The following NCAM1 variants were observed in gnomAD, a reference collection of about 807,000 sequenced individuals.
NCAM1 encodes the protein antigen recognized by monoclonal antibody 5.1H11.
Under a neutral mutation model 109.8 loss-of-function variants are expected in NCAM1, and 14 were observed. The observed-to-expected ratio is 0.13, with a 90% confidence interval of 0.08 to 0.20. The LOEUF (loss-of-function observed/expected upper bound fraction) is 0.20, where lower values mean the gene tolerates loss of function less well. Ranked by LOEUF, NCAM1 falls within the 10% of genes least tolerant of loss-of-function variation. NCAM1 has a pLI of 1.00. For synonymous variants in NCAM1, 418 were observed against 442.9 expected (o/e 0.94, Z 0.70); for missense variants, 774 against 1,109.9 (o/e 0.70, Z 4.30).
At chr11:113,067,100 T>C (rs1938001844) in intron 1 of NCAM1, among the ~76,000 whole-genome samples, 1 of 152,098 alleles carries the variant, frequency 6.6e-6, no homozygotes, top group South Asian at 2.1e-4. Flanking sequence ...TTACATCTGA[T>C]TGCTGGTTTC....
intron 1 of NCAM1, among the ~76,000 whole-genome samples, chr11:113,046,589 G>A (rs1953274720): frequency 6.6e-6 from 1 of 152,156 alleles, no homozygotes. Flanking sequence ...TAAATGTTTT[G>A]ATGTTAGCAA....
chr11:113,030,299 C>G (rs1555078126), intron 1 of NCAM1, among the ~76,000 whole-genome samples: 3 of 152,166 alleles, frequency 2.0e-5, no homozygotes. Flanking sequence ...AGGTATTTGA[C>G]TTAGTTCCTC....
chr11:113,112,513 A>T (rs1441997221), intron 1 of NCAM1, among the ~76,000 whole-genome samples: 2 of 152,218 alleles, frequency 1.3e-5, no homozygotes, highest in Admixed American at 6.5e-5. Context: ...TACCATTGTC[A>T]TGAAGTCACC....
chr11:113,027,624 G>A (rs1383152119), intron 1 of NCAM1, among the ~76,000 whole-genome samples: 5 of 152,104 alleles, frequency 3.3e-5, no homozygotes, highest in Admixed American at 1.3e-4. Context: ...GCTTCTTTCG[G>A]CATTTAATAA....
Position 113,207,823 on chromosome 11 carries a change from C to T in NCAM1, c.747-10C>T. 1 of 1,604,622 alleles carries T rather than the reference C, an allele frequency of 6.2e-7. No homozygotes were observed. The highest frequency in any genetic ancestry group is 8.5e-7 in the Non-Finnish European group (1 of 1,174,578). On this transcript the variant is annotated splice_polypyrimidine_tract_variant and intron_variant, in intron 6 of 19. Transcript: ENST00000316851. ...GAAATCATGCTACTTTGCATTTCTA[C>T]ATGCTCTAGGGATGGGGAACAGATA...
intron 1 of NCAM1, among the ~76,000 whole-genome samples, chr11:113,039,432 G>C (rs113445165): frequency 2.0e-5 from 3 of 152,314 alleles, no homozygotes; most frequent in African/African-American, 7.2e-5. Flanking sequence ...AACTTACACT[G>C]TGTCGGTATG....
At chr11:113,067,367 G>C (rs1245101) in intron 1 of NCAM1, among the ~76,000 whole-genome samples, 80,454 of 152,010 alleles carry the variant, frequency 0.53, 22,032 homozygotes, top group Middle Eastern at 0.58. Flanking sequence ...AGAAAGTGTG[G>C]CAAGACTGGA....
At chr11:113,095,315 C>A (rs868919390) in intron 1 of NCAM1, among the ~76,000 whole-genome samples, 1 of 151,158 alleles carries the variant, frequency 6.6e-6, no homozygotes, top group African/African-American at 2.4e-5. Flanking sequence ...TAATAGAATG[C>A]GTGTGTGTGT....
At chr11:113,189,449 C>CAAAAAAAAAA (rs10712434) in intron 1 of NCAM1, among the ~76,000 whole-genome samples, 1 of 118,042 alleles carries the variant, frequency 8.5e-6, no homozygotes, top group African/African-American at 3.1e-5. Context: ...GATTCTGTCT[C>CAAAAAAAAAA]AAAAAAAAAA....
intron 1 of NCAM1, among the ~76,000 whole-genome samples, chr11:112,981,779 T>C (rs372766618): frequency 6.6e-6 from 1 of 151,922 alleles, no homozygotes; most frequent in African/African-American, 2.4e-5. Flanking sequence ...TTAACTTCTT[T>C]AAAACAAAAT....
chr11:113,208,098 A>C, intron 7 of NCAM1, 96 bp downstream of exon 7: 1 of 1,362,032 alleles, frequency 7.3e-7, no homozygotes, highest in Admixed American at 2.1e-5. Context: ...TGTCCCTCAG[A>C]ACATAACCCA....
intron 1 of NCAM1, among the ~76,000 whole-genome samples, chr11:113,132,481 C>T (rs1941427491): frequency 1.3e-5 from 2 of 152,026 alleles, no homozygotes; most frequent in South Asian, 2.1e-4. Flanking sequence ...TCTCTCCTTT[C>T]GGGGTTTCTA....
chr11:113,260,021 T>C (rs760180534), intron 16 of NCAM1, 125 bp from the exon 17 acceptor site: 1 of 857,836 alleles, frequency 1.2e-6, no homozygotes, highest in Non-Finnish European at 1.7e-6. Context: ...TTGCTTCTTA[T>C]TTTCATGATT....
intron 1 of NCAM1, among the ~76,000 whole-genome samples, chr11:112,966,377 A>T (rs1555065382): frequency 6.6e-6 from 1 of 152,232 alleles, no homozygotes; most frequent in African/African-American, 2.4e-5. Flanking sequence ...CAATGCTGTA[A>T]GAGATGGTCT....
intron 1 of NCAM1, among the ~76,000 whole-genome samples, chr11:113,168,833 GT>G (rs540039251): frequency 6.1e-4 from 93 of 152,260 alleles, no homozygotes; most frequent in African/African-American, 2.1e-3. Flanking sequence ...CTTGTGTGGG[GT>G]TGGGGAGCTG....
intron 1 of NCAM1, among the ~76,000 whole-genome samples, chr11:112,982,621 T>A (rs545990022): frequency 4.6e-5 from 7 of 151,818 alleles, no homozygotes; most frequent in African/African-American, 1.7e-4. Flanking sequence ...GAAGGCATTA[T>A]GCAAGAAATA....
chr11:113,114,066 G>T (rs1441694496), intron 1 of NCAM1, among the ~76,000 whole-genome samples: 1 of 152,220 alleles, frequency 6.6e-6, no homozygotes, highest in Admixed American at 6.5e-5. Flanking sequence ...TTTGCCTGGA[G>T]AGGAAAGTGG....
At chr11:113,220,600 C>CTTTTTAT (rs1336984958) in intron 8 of NCAM1, among the ~76,000 whole-genome samples, 1 of 102,376 alleles carries the variant, frequency 9.8e-6, no homozygotes, top group Non-Finnish European at 1.8e-5. Context: ...CTCTCTCTCT[C>CTTTTTAT]TCTTTTTTTT....
intron 9 of NCAM1, among the ~76,000 whole-genome samples, chr11:113,230,363 C>G (rs1217665524): frequency 6.6e-6 from 1 of 152,198 alleles, no homozygotes; most frequent in African/African-American, 2.4e-5. Context: ...TTGCTTGACT[C>G]TTCTGTCTTC....
Sources: gnomAD v4.1 joint callset for allele counts (sites outside exome capture counted in the v4.1 genomes callset) on GRCh38, gnomAD v4.1.1 for gene constraint, MANE v1.5 for transcripts, NCBI Gene and HGNC (gene_info 2026-07-23, HGNC 2026-07-21) for gene names.